The following EHBP1 variants were observed in gnomAD, a reference collection of about 807,000 sequenced individuals.
EHBP1 encodes EH domain-binding protein 1.
In EHBP1, 55 loss-of-function variants were observed where a neutral mutation model predicts 144.0. That is an observed-to-expected ratio of 0.38 (90% CI 0.31 to 0.48). The LOEUF (loss-of-function observed/expected upper bound fraction) is 0.48, where lower values mean the gene tolerates loss of function less well. Among genes scored for constraint, EHBP1 ranks in the 20% least tolerant of loss-of-function variants. EHBP1 has a pLI of 0.98. For synonymous variants in EHBP1, 469 were observed against 472.7 expected (o/e 0.99, Z 0.10); for missense variants, 1,200 against 1,364.2 (o/e 0.88, Z 1.90).
intron 1 of EHBP1, among the ~76,000 whole-genome samples, chr2:62,698,663 G>C (rs2034182245): frequency 6.6e-6 from 1 of 152,186 alleles, no homozygotes; most frequent in Non-Finnish European, 1.5e-5. Flanking sequence ...CTCTCACAAA[G>C]TCATCTTTGC....
chr2:62,837,382 A>T (rs1204563490), intron 7 of EHBP1, among the ~76,000 whole-genome samples: 2 of 149,164 alleles, frequency 1.3e-5, no homozygotes, highest in African/African-American at 2.5e-5. Context: ...CCGCTGCAAA[A>T]TCATGCCAAA....
intron 10 of EHBP1, among the ~76,000 whole-genome samples, chr2:62,924,250 C>A (rs904870513): frequency 2.0e-5 from 3 of 152,100 alleles, no homozygotes; most frequent in Non-Finnish European, 4.4e-5. Context: ...TAGTAAATGG[C>A]AAGTTTATAG....
At chr2:62,773,848 C>A (rs1411548026) in intron 5 of EHBP1, among the ~76,000 whole-genome samples, 1 of 19,894 alleles carries the variant, frequency 5.0e-5, no homozygotes, top group African/African-American at 2.0e-4. Context: ...AAGACTCCAT[C>A]TCAAAAAAAA....
rs76848677 is a variant in EHBP1, at chr2:62,923,708, C to T, written c.1186-19010C>T. On this transcript the variant is annotated intron_variant, in intron 10 of 22. Transcript: ENST00000431489. ...AGCATAAGGTGTGCAGTCCCCATAA[C>T]CCACCAACCCTCTATGACCCAAGAA... Among the ~76,000 whole-genome samples, 10 of 152,292 alleles carry T rather than the reference C, an allele frequency of 6.6e-5. No homozygotes were observed. In the East Asian group the frequency reaches 1.9e-3, roughly 29 times the overall value.
chr2:62,838,184 T>A (rs1451579325), intron 7 of EHBP1, among the ~76,000 whole-genome samples: 17 of 151,992 alleles, frequency 1.1e-4, no homozygotes, highest in African/African-American at 4.1e-4. Flanking sequence ...GGATTAAGAA[T>A]CCCACTCAAA....
intron 6 of EHBP1, among the ~76,000 whole-genome samples, chr2:62,828,978 C>T (rs2046555950): frequency 6.6e-6 from 1 of 151,914 alleles, no homozygotes; most frequent in Non-Finnish European, 1.5e-5. Context: ...ATTAGCTGGG[C>T]ATTGTGCTCT....
chr2:62,822,986 G>C (rs1010323862), intron 5 of EHBP1, among the ~76,000 whole-genome samples: 1 of 152,094 alleles, frequency 6.6e-6, no homozygotes, highest in African/African-American at 2.4e-5. Flanking sequence ...CTTAGGGGAA[G>C]TGTTTCTGAA....
At chr2:62,879,590 C>CACAG (rs1453595274) in intron 10 of EHBP1, among the ~76,000 whole-genome samples, 6 of 139,200 alleles carry the variant, frequency 4.3e-5, no homozygotes, top group Admixed American at 1.4e-4. Flanking sequence ...CACACACACA[C>CACAG]AGAGACAGAG....
At position 62,828,412 on chromosome 2, in the gene EHBP1, G is replaced by A. The variant is rs530674604; in HGVS notation, c.494+2144G>A. ...TACTTAATGTAAACTTTATAAATTTGTACTTAAAATACTTAAAACATTTAA... is the reference window on the plus strand; with the variant it reads ...TACTTAATGTAAACTTTATAAATTTATACTTAAAATACTTAAAACATTTAA... On this transcript the variant is annotated intron_variant, in intron 6 of 22. Transcript: ENST00000431489. Among the ~76,000 whole-genome samples the A allele has an allele frequency of 4.7e-3, 711 of 152,150 alleles. 7 individuals carry two copies. The highest frequency in any genetic ancestry group is 0.031 in the Middle Eastern group (9 of 294).
At chr2:62,868,170 T>C (rs1276400077) in intron 9 of EHBP1, among the ~76,000 whole-genome samples, 1 of 151,400 alleles carries the variant, frequency 6.6e-6, no homozygotes, top group Non-Finnish European at 1.5e-5. Context: ...AGGTCAGGAG[T>C]TCAAGACCAG....
intron 1 of EHBP1, chr2:62,706,617 G>T (rs2034610402): frequency 6.5e-6 from 1 of 153,112 alleles, no homozygotes; most frequent in African/African-American, 2.4e-5. Flanking sequence ...GATGCTAACA[G>T]GGGGAGGTAG....
intron 8 of EHBP1, among the ~76,000 whole-genome samples, chr2:62,859,984 G>GA (rs1179419903): frequency 6.6e-6 from 1 of 152,066 alleles, no homozygotes; most frequent in South Asian, 2.1e-4. Flanking sequence ...GAATTTTAAA[G>GA]AATTTTGCTA....
chr2:63,001,043 G>A (rs1490766057), intron 19 of EHBP1, among the ~76,000 whole-genome samples: 1 of 152,170 alleles, frequency 6.6e-6, no homozygotes, highest in Non-Finnish European at 1.5e-5. Context: ...TGGAAATGCT[G>A]ATGGGCCCTT....
chr2:62,963,871 C>A (rs1275212498), intron 14 of EHBP1, among the ~76,000 whole-genome samples: 1 of 152,148 alleles, frequency 6.6e-6, no homozygotes, highest in African/African-American at 2.4e-5. Context: ...CTTTTTACTT[C>A]AACACAATCA....
intron 7 of EHBP1, among the ~76,000 whole-genome samples, chr2:62,835,402 A>C (rs955336126): frequency 1.3e-5 from 2 of 152,178 alleles, no homozygotes; most frequent in African/African-American, 4.8e-5. Context: ...TTAGGCTGGT[A>C]TTCTCTCTAA....
At chr2:62,911,674 C>A (rs899155264) in intron 10 of EHBP1, among the ~76,000 whole-genome samples, 1 of 152,140 alleles carries the variant, frequency 6.6e-6, no homozygotes, top group Non-Finnish European at 1.5e-5. Context: ...GTTGGTCAGG[C>A]TGGTCTCGAA....
intron 5 of EHBP1, among the ~76,000 whole-genome samples, chr2:62,820,737 A>AATATATATATATATAT (rs57039974): frequency 2.7e-4 from 15 of 54,640 alleles, no homozygotes; most frequent in Non-Finnish European, 2.9e-4. Context: ...GTGTGTGTAT[A>AATATATATATATATAT]ATATATATAT....
chr2:62,860,169 A>G (rs554577310), intron 8 of EHBP1, among the ~76,000 whole-genome samples: 33 of 152,162 alleles, frequency 2.2e-4, no homozygotes, highest in Non-Finnish European at 4.6e-4. Context: ...TGAGGGCTAT[A>G]TATTATGAAC....
intron 19 of EHBP1, among the ~76,000 whole-genome samples, chr2:63,020,340 A>G (rs967441433): frequency 5.1e-4 from 76 of 150,376 alleles, no homozygotes; most frequent in Middle Eastern, 6.8e-3. Flanking sequence ...AAAAAAAAAA[A>G]AAAAAAGAAA....
Sources: gnomAD v4.1 joint callset for allele counts (sites outside exome capture counted in the v4.1 genomes callset) on GRCh38, gnomAD v4.1.1 for gene constraint, MANE v1.5 for transcripts, NCBI Gene and HGNC (gene_info 2026-07-23, HGNC 2026-07-21) for gene names.